AKAP3: variants seen among roughly 807,000 people sequenced by gnomAD.
AKAP3 encodes A-kinase anchor protein 3.
In AKAP3, 27 loss-of-function variants were observed where a neutral mutation model predicts 57.2. The observed-to-expected ratio is 0.47, with a 90% CI of 0.35 to 0.65. The LOEUF is 0.65. Ranked by LOEUF, AKAP3 falls within the 30% of genes least tolerant of loss-of-function variation. The pLI, the probability that AKAP3 is intolerant of heterozygous loss-of-function variation, is 0.01. For synonymous variants in AKAP3, 334 were observed against 392.3 expected, an observed-to-expected ratio of 0.85 and a Z score of 1.76; for missense variants, 959 against 1,040.0, an observed-to-expected ratio of 0.92 and a Z score of 1.07.
intron 3 of AKAP3, among the ~76,000 whole-genome samples, chr12:4,641,602 T>C (rs554184081): frequency 5.3e-5 from 8 of 152,210 alleles, no homozygotes; most frequent in Non-Finnish European, 1.2e-4. Context: ...TGCATAAACA[T>C]ACACACATAG....
Position 4,627,530 on chromosome 12 carries a change from G to C in AKAP3, c.1372C>G (p.Leu458Val). ...TGCTGAGTTTTATGCCACAAGGTAA[G>C]CCCCTCTTTGATAATGTGCTCACCC... The part of the protein sequence containing the change: ...TLGEHIIKEG[L>V]TLWHKTQQKE... The change falls in exon 5 of 6, where the codon CTT becomes GTT. Residue 458 changes from leucine (L) to valine (V), a missense_variant. Coordinates refer to ENST00000228850, the MANE Select transcript of AKAP3 (RefSeq NM_001278309.2). The C allele has an allele frequency of 1.2e-6, 2 of 1,614,114 alleles. No individual in the cohort carries two copies. The highest frequency in any genetic ancestry group is 1.7e-6 in the Non-Finnish European group (2 of 1,179,980).
chr12:4,626,009 G>T (rs190462988), intron 5 of AKAP3, among the ~76,000 whole-genome samples: 52 of 152,124 alleles, frequency 3.4e-4, no homozygotes, highest in Non-Finnish European at 1.3e-4. Context: ...GGGAAGAGGG[G>T]TGTTATCCAC....
chr12:4,624,824 G>GTGTGTGTGTGTGTGTGTGTGTATA (rs143324716), intron 5 of AKAP3, among the ~76,000 whole-genome samples: 17 of 141,098 alleles, frequency 1.2e-4, no homozygotes, highest in African/African-American at 3.9e-4. Flanking sequence ...GTGTGTGTGT[G>GTGTGTGTGTGTGTGTGTGTGTATA]TATATAAAAG....
intron 4 of AKAP3, 51 bp downstream of exon 4, chr12:4,638,050 T>G (rs1945587962): frequency 1.4e-6 from 2 of 1,425,258 alleles, no homozygotes; most frequent in Non-Finnish European, 2.0e-6. Context: ...CTACTCTTAA[T>G]GACAGCCCCC....
chr12:4,618,200 A>G (rs1945308034), intron 5 of AKAP3, among the ~76,000 whole-genome samples: 1 of 152,230 alleles, frequency 6.6e-6, no homozygotes, highest in South Asian at 2.1e-4. Flanking sequence ...TGGACAAAAA[A>G]TATAACCCAA....
chr12:4,621,775 G>C (rs1025654948), intron 5 of AKAP3, among the ~76,000 whole-genome samples: 1 of 152,242 alleles, frequency 6.6e-6, no homozygotes, highest in Non-Finnish European at 1.5e-5. Context: ...ACATGGGAAA[G>C]TTTTGCTAAT....
At position 4,627,369 on chromosome 12, in the gene AKAP3, C is replaced by T. The variant is rs1945432266; in HGVS notation, c.1533G>A (p.Glu511=). 2 of 1,614,028 alleles carry T rather than the reference C, an allele frequency of 1.2e-6. No homozygotes were observed. Among genetic ancestry groups the T allele is most frequent in the Non-Finnish European group, 1.7e-6 (2 of 1,180,012 alleles). The change falls in exon 5 of 6, where the codon GAG becomes GAA. Residue 511 remains glutamate, a synonymous_variant. Coordinates refer to ENST00000228850, the MANE Select transcript of AKAP3 (RefSeq NM_001278309.2). ...AATCATACATAAAATTCTCAGGTTT[C>T]TCTGGAGGATATGGAGGAAGGCTGA... ...GNLSLPPYPP[E]KPENFMYDSD...
At chr12:4,635,966 A>T in intron 4 of AKAP3, 1 of 1,172,586 alleles carries the variant, frequency 8.5e-7, no homozygotes, top group Non-Finnish European at 1.3e-6. Flanking sequence ...ATATTTCACA[A>T]AGAAACAGCT....
At chr12:4,616,712 GAGGAA>G (rs1945289529) in intron 5 of AKAP3, among the ~76,000 whole-genome samples, 1 of 152,160 alleles carries the variant, frequency 6.6e-6, no homozygotes, top group Non-Finnish European at 1.5e-5. Context: ...GTAAATGAGA[GAGGAA>G]AGTCAGTAAA....
At position 4,626,571 on chromosome 12, in the gene AKAP3, A is replaced by G. The variant is rs2072358; in HGVS notation, c.2331T>C (p.Leu777=). The G allele has an allele frequency of 0.29, 469,461 of 1,614,000 alleles. 69,998 individuals carry two copies. Among genetic ancestry groups the G allele is most frequent in the East Asian group, 0.39 (17,676 of 44,870 alleles). ...TGAGCTCAGAGGCAGCTACCCATTGAAGGACGGCTTGGAGTTGCTTGTTCT... is the reference window on the plus strand; with the variant it reads ...TGAGCTCAGAGGCAGCTACCCATTGGAGGACGGCTTGGAGTTGCTTGTTCT... ...TVQNKQLQAV[L]QWVAASELNV... is the part of the protein sequence containing the mutation. Residue 777 remains leucine (L), a synonymous_variant, in exon 5 of 6, where the codon CTT becomes CTC. Coordinates refer to ENST00000228850, the MANE Select transcript of AKAP3 (RefSeq NM_001278309.2).
At chr12:4,630,716 T>C (rs1945486672) in intron 4 of AKAP3, among the ~76,000 whole-genome samples, 1 of 152,178 alleles carries the variant, frequency 6.6e-6, no homozygotes, top group African/African-American at 2.4e-5. Context: ...CTCTGTTAAC[T>C]ATAGACAACT....
chr12:4,632,225 G>GAA (rs1313629529), intron 4 of AKAP3, among the ~76,000 whole-genome samples: 2 of 152,024 alleles, frequency 1.3e-5, no homozygotes, highest in Non-Finnish European at 2.9e-5. Flanking sequence ...CACTTATAAA[G>GAA]AGGCTACCTC....
At chr12:4,647,974 AC>A (rs1442908217) in intron 1 of AKAP3, 2 of 152,192 alleles carry the variant, frequency 1.3e-5, no homozygotes, top group Non-Finnish European at 2.9e-5. Context: ...TCCTGAAAAA[AC>A]AAAGCACTGG....
chr12:4,633,302 A>G (rs1051981276), intron 4 of AKAP3, among the ~76,000 whole-genome samples: 1 of 152,098 alleles, frequency 6.6e-6, no homozygotes, highest in Non-Finnish European at 1.5e-5. Context: ...TAAAAAAATA[A>G]AAATAAAAAA....
chr12:4,641,800 G>A (rs1487531975), intron 3 of AKAP3, 99 bp downstream of exon 3: 2 of 152,126 alleles, frequency 1.3e-5, no homozygotes, highest in Non-Finnish European at 1.5e-5. Context: ...GTAGAAAATT[G>A]TGACAAAATC....
At position 4,627,802 on chromosome 12, in the gene AKAP3, C is replaced by T. The variant is rs1395544294; in HGVS notation, c.1100G>A (p.Ser367Asn). 1.2e-6 allele frequency: 2 copies of T among 1,613,986 alleles called. No individual in the cohort carries two copies. The highest frequency in any genetic ancestry group is 1.7e-6 in the Non-Finnish European group (2 of 1,180,020). The change falls in exon 5 of 6, where the codon AGC (serine) becomes AAC (asparagine). Residue 367 changes from serine (S) to asparagine (N), a missense_variant. Coordinates refer to ENST00000228850, the MANE Select transcript of AKAP3 (RefSeq NM_001278309.2). ...ATCCATGATATCTGTGGCCTTTTGGCTTCCATGAGAGAAGACAGTTCTTTT... is the reference window on the plus strand; with the variant it reads ...ATCCATGATATCTGTGGCCTTTTGGTTTCCATGAGAGAAGACAGTTCTTTT... ...AVKRTVFSHGSQKATDIMDAM... is the reference protein window; with the variant it reads ...AVKRTVFSHGNQKATDIMDAM...
At chr12:4,622,540 C>T (rs1945359389) in intron 5 of AKAP3, among the ~76,000 whole-genome samples, 1 of 152,092 alleles carries the variant, frequency 6.6e-6, no homozygotes, top group East Asian at 1.9e-4. Context: ...GAAGGATTCC[C>T]TAATTCAATA....
intron 4 of AKAP3, chr12:4,635,624 G>GC (rs1698430761): frequency 3.9e-6 from 3 of 772,490 alleles, no homozygotes; most frequent in Non-Finnish European, 4.6e-6. Flanking sequence ...ATCAGGACAT[G>GC]CTTGCCTCTG....
intron 1 of AKAP3, among the ~76,000 whole-genome samples, chr12:4,647,062 C>T (rs979124286): frequency 2.6e-5 from 4 of 152,192 alleles, no homozygotes; most frequent in Non-Finnish European, 5.9e-5. Context: ...GGATTACAGG[C>T]ATGAGCCACC....
Sources: gnomAD v4.1 joint callset for allele counts (sites outside exome capture counted in the v4.1 genomes callset) on GRCh38, gnomAD v4.1.1 for gene constraint, MANE v1.5 for transcripts, NCBI Gene and HGNC (gene_info 2026-07-23, HGNC 2026-07-21) for gene names.